The following COL4A6 variants were observed in gnomAD, a reference collection of about 807,000 sequenced individuals.
The protein encoded by COL4A6 is collagen type IV alpha 6 chain.
COL4A6 carries 59 observed loss-of-function variants against 126.7 expected under a neutral mutation model. That is an observed-to-expected ratio of 0.47 (90% CI 0.38 to 0.58). The LOEUF is 0.58. Ranked by LOEUF, COL4A6 falls within the 20% of genes least tolerant of loss-of-function variation. The pLI, the probability that COL4A6 is intolerant of heterozygous loss-of-function variation, is 0.00. For synonymous variants in COL4A6, 547 were observed against 496.6 expected (o/e 1.10, Z -1.35); for missense variants, 1,285 against 1,337.3 (o/e 0.96, Z 0.61).
At chrX:108,274,295 A>G (rs1360044631) in intron 3 of COL4A6, among the ~76,000 whole-genome samples, 1 of 111,559 alleles carries the variant, frequency 9.0e-6, no homozygotes, top group Non-Finnish European at 1.9e-5. Context: ...TGTGGTTTCC[A>G]TGGGAAAGGC....
At chrX:108,204,235 T>C (rs1394742487) in intron 12 of COL4A6, 85 bp downstream of exon 12, 1 of 701,935 alleles carries the variant, frequency 1.4e-6, no homozygotes, top group African/African-American at 2.2e-5. Context: ...TCTTCCAGTA[T>C]TGTCTGGTTA....
At chrX:108,279,906 C>T (rs926855998) in intron 3 of COL4A6, among the ~76,000 whole-genome samples, 32 of 111,161 alleles carry the variant, frequency 2.9e-4, no homozygotes, top group Non-Finnish European at 4.3e-4. Context: ...GGGTACACAA[C>T]GAAATGAAGG....
intron 2 of COL4A6, among the ~76,000 whole-genome samples, chrX:108,361,059 A>T (rs1285250024): frequency 9.0e-6 from 1 of 111,177 alleles, no homozygotes; most frequent in Non-Finnish European, 1.9e-5. Context: ...TATTGCAAAC[A>T]TCGATTTACC....
intron 3 of COL4A6, among the ~76,000 whole-genome samples, chrX:108,264,009 A>G (rs1276945091): frequency 2.7e-5 from 3 of 111,488 alleles, no homozygotes; most frequent in African/African-American, 6.5e-5. Context: ...ACTATTTGCT[A>G]TCTTTATCTT....
intron 2 of COL4A6, among the ~76,000 whole-genome samples, chrX:108,334,118 G>T (rs1404169901): frequency 8.9e-6 from 1 of 111,774 alleles, no homozygotes; most frequent in Non-Finnish European, 1.9e-5. Context: ...GTATAAAGTT[G>T]GAGTTACCAC....
intron 3 of COL4A6, among the ~76,000 whole-genome samples, chrX:108,303,887 A>G (rs1333851884): frequency 8.9e-6 from 1 of 111,926 alleles, no homozygotes; most frequent in African/African-American, 3.3e-5. Flanking sequence ...GGACATTGTC[A>G]AACATCACCT....
rs1209297245 is a variant in COL4A6, at chrX:108,278,068, T to C, written c.144+32680A>G. On this transcript the variant is annotated intron_variant, in intron 3 of 44. Coordinates refer to ENST00000334504, the MANE Select transcript of COL4A6 (RefSeq NM_033641.4). Reference sequence around the variant, plus strand: ...AAAACAGAGCAGAAAAACTGGAAACTCTAAAAAGCAGAGCGCCTCTCCTCC... The same window carrying C: ...AAAACAGAGCAGAAAAACTGGAAACCCTAAAAAGCAGAGCGCCTCTCCTCC... Among the ~76,000 whole-genome samples, 3 of 111,436 alleles carry C rather than the reference T, an allele frequency of 2.7e-5. No homozygotes were observed. In the Admixed American group the frequency reaches 2.9e-4, roughly 11 times the overall value.
At chrX:108,179,690 G>A (rs1200644657) in intron 25 of COL4A6, among the ~76,000 whole-genome samples, 1 of 108,737 alleles carries the variant, frequency 9.2e-6, no homozygotes, top group African/African-American at 3.4e-5. Flanking sequence ...TGTTCCTGAG[G>A]GTCCTACAGT....
chrX:108,424,080 C>T (rs2064029374), intron 2 of COL4A6, among the ~76,000 whole-genome samples: 1 of 111,634 alleles, frequency 9.0e-6, no homozygotes, highest in African/African-American at 3.3e-5. Flanking sequence ...CCTGCTAGAA[C>T]TGTAGTGTAT....
At chrX:108,159,076 C>A (rs761734456) in intron 44 of COL4A6, among the ~76,000 whole-genome samples, 1 of 111,580 alleles carries the variant, frequency 9.0e-6, no homozygotes, top group Non-Finnish European at 1.9e-5. Context: ...GGGGACAGTG[C>A]CATGGCTGGA....
intron 3 of COL4A6, among the ~76,000 whole-genome samples, chrX:108,246,646 C>T (rs771924639): frequency 1.3e-4 from 14 of 111,668 alleles, no homozygotes; most frequent in Admixed American, 3.8e-4. Context: ...CAGGAACAAT[C>T]TGGCCAGGGT....
At chrX:108,161,791 T>G in intron 41 of COL4A6, 56 bp from the exon 42 acceptor site, 1 of 811,290 alleles carries the variant, frequency 1.2e-6, no homozygotes, top group Non-Finnish European at 1.8e-6. Context: ...CCCAGGCACC[T>G]TCCCCAGGAA....
At chrX:108,315,185 C>CT (rs1209618399) in intron 2 of COL4A6, among the ~76,000 whole-genome samples, 1 of 112,007 alleles carries the variant, frequency 8.9e-6, no homozygotes, top group Admixed American at 9.4e-5. Flanking sequence ...GAAGATTGTA[C>CT]TTTTTTCCCC....
At position 108,193,560 on chromosome X, in the gene COL4A6, T is replaced by A. The variant is rs1166560848; in HGVS notation, c.1072+68A>T. 3 of 902,455 alleles carry A rather than the reference T, an allele frequency of 3.3e-6. No homozygotes were observed. In the East Asian group the frequency reaches 9.5e-5, roughly 29 times the overall value. 74.4% of individuals were successfully genotyped at this position (902,455 alleles called of 1,213,427 possible). ...AGTAACTAACAAAGTATCCTTTTAA[T>A]AATTACAGGGGATATAGGATTTAAC... On this transcript the variant is annotated intron_variant, in intron 17 of 44. Coordinates refer to ENST00000334504, the MANE Select transcript of COL4A6 (RefSeq NM_033641.4).
chrX:108,211,438 T>C (rs1456029219), intron 7 of COL4A6, among the ~76,000 whole-genome samples: 2 of 113,311 alleles, frequency 1.8e-5, no homozygotes, highest in Non-Finnish European at 3.7e-5. Flanking sequence ...TGCTGATCTG[T>C]CTCCTATTTT....
intron 2 of COL4A6, among the ~76,000 whole-genome samples, chrX:108,388,196 G>T (rs112026626): frequency 2.7e-5 from 3 of 111,317 alleles, no homozygotes; most frequent in Non-Finnish European, 5.7e-5. Flanking sequence ...TTGTGTCTCC[G>T]CCAGGTTTTG....
intron 3 of COL4A6, among the ~76,000 whole-genome samples, chrX:108,284,285 GA>G (rs2037940576): frequency 1.2e-5 from 1 of 83,009 alleles, no homozygotes; most frequent in Non-Finnish European, 2.2e-5. Context: ...ACAGGGAGGG[GA>G]ACATCACACA....
At chrX:108,217,905 T>A (rs775938397) in intron 5 of COL4A6, among the ~76,000 whole-genome samples, 1 of 111,809 alleles carries the variant, frequency 8.9e-6, no homozygotes, top group Non-Finnish European at 1.9e-5. Flanking sequence ...AAGTAAAAGA[T>A]GTGGATACCC....
chrX:108,208,650 A>G (rs2035616164), intron 8 of COL4A6, among the ~76,000 whole-genome samples: 2 of 111,981 alleles, frequency 1.8e-5, no homozygotes, highest in South Asian at 7.5e-4. Context: ...AACAATGTTA[A>G]ACATAAGACA....
Sources: allele counts gnomAD v4.1 joint callset (sites outside exome capture counted in the v4.1 genomes callset), GRCh38; gene constraint gnomAD v4.1.1; transcripts MANE v1.5; gene names NCBI Gene and HGNC (gene_info 2026-07-23, HGNC 2026-07-21).